The following MACROD1 variants were observed in gnomAD, a reference collection of about 807,000 sequenced individuals.
MACROD1 encodes ADP-ribose glycohydrolase MACROD1.
Under a neutral mutation model 41.4 loss-of-function variants are expected in MACROD1, and 31 were observed. That is an observed-to-expected ratio of 0.75 (90% CI 0.56 to 1.01). MACROD1 has a LOEUF of 1.01. MACROD1 is among the 50% of genes least tolerant of loss of function. MACROD1 has a pLI of 0.00. For missense variants in MACROD1, 473 were observed against 460.0 expected (o/e 1.03, Z -0.26); for synonymous variants, 252 against 203.4 (o/e 1.24, Z -2.03).
chr11:64,063,026 G>T (rs1230759491), intron 3 of MACROD1, among the ~76,000 whole-genome samples: 3 of 152,242 alleles, frequency 2.0e-5, no homozygotes, highest in East Asian at 1.9e-4. Flanking sequence ...GAGGGATTCA[G>T]TGAGATATAA....
rs992654249 is a variant in MACROD1, at chr11:64,096,075, G to A, written c.517+55164C>T. ...TTGAGAGCTCCAGCGTGGGGACAGC[G>A]TGGGGCCCACTTCACAGCCAGGCTG... On this transcript the variant is annotated intron_variant, in intron 3 of 10. Coordinates refer to ENST00000255681, the MANE Select transcript of MACROD1 (RefSeq NM_014067.4). The surrounding 1 kb of genome is among the most constrained non-coding windows in gnomAD (Gnocchi z 4.6). 2.6e-5 allele frequency among the ~76,000 whole-genome samples: 4 copies of A among 152,372 alleles called. No individual in the cohort carries two copies. Among genetic ancestry groups the A allele is most frequent in the Admixed American group, 6.5e-5 (1 of 15,312 alleles).
At chr11:64,130,624 C>T (rs1467769740) in intron 3 of MACROD1, among the ~76,000 whole-genome samples, 2 of 152,168 alleles carry the variant, frequency 1.3e-5, no homozygotes, top group Admixed American at 6.5e-5. Flanking sequence ...ATTCTGCCTC[C>T]GTGGGTCTGA....
At chr11:63,999,997 G>T in intron 5 of MACROD1, 1 of 643,170 alleles carries the variant, frequency 1.6e-6, no homozygotes, top group Non-Finnish European at 2.7e-6. Flanking sequence ...CCGAGCGCGA[G>T]TGTGGGCGCG....
chr11:64,134,789 T>C (rs1300273764), intron 3 of MACROD1, among the ~76,000 whole-genome samples: 1 of 152,234 alleles, frequency 6.6e-6, no homozygotes, highest in African/African-American at 2.4e-5. Context: ...TGGCCATTTG[T>C]TTTTCTCCTA....
chr11:64,036,612 C>T lies in MACROD1; in HGVS notation c.518-21331G>A, dbSNP rs1291673168. Among the ~76,000 whole-genome samples the T allele has an allele frequency of 6.6e-6, 1 of 152,200 alleles. No individual in the cohort carries two copies. Among genetic ancestry groups the T allele is most frequent in the Non-Finnish European group, 1.5e-5 (1 of 68,022 alleles). ...AGCCGGCCGGCCTGGGCGCCGCGCT[C>T]CCGTCCCCACCAGCCGCGTGAGTCA... On this transcript the variant is annotated intron_variant, in intron 3 of 10. Transcript: ENST00000255681. This position sits in a 1 kb window ranked among gnomAD's most constrained non-coding sequence, Gnocchi z 5.6.
rs141430442 is a variant in MACROD1, at chr11:63,999,226, G to A, written c.891+105C>T. On this transcript the variant is annotated intron_variant, in intron 8 of 10. Coordinates refer to ENST00000255681, the MANE Select transcript of MACROD1 (RefSeq NM_014067.4). ...CGCAGGAGAAACAGGGAAGGAAGGGGCGGGCCTGGCCCTGCGCTCTGCACC... is the reference window on the plus strand; with the variant it reads ...CGCAGGAGAAACAGGGAAGGAAGGGACGGGCCTGGCCCTGCGCTCTGCACC... The A allele has an allele frequency of 9.8e-6, 14 of 1,432,416 alleles. No homozygotes were observed. In the Middle Eastern group the frequency reaches 7.3e-4, roughly 75 times the overall value. 88.7% of individuals were successfully genotyped at this position (1,432,416 alleles called of 1,614,324 possible). A position where few individuals can be genotyped will look rare whatever the true frequency, so the allele number is the denominator to read the frequency against.
intron 3 of MACROD1, among the ~76,000 whole-genome samples, chr11:64,039,569 G>A (rs922283739): frequency 2.0e-5 from 3 of 152,160 alleles, no homozygotes; most frequent in Non-Finnish European, 4.4e-5. Context: ...CTGGATGGCC[G>A]GGAGGAGACG....
chr11:64,126,241 C>T (rs1176414443), intron 3 of MACROD1, among the ~76,000 whole-genome samples: 1 of 152,194 alleles, frequency 6.6e-6, no homozygotes, highest in African/African-American at 2.4e-5. Context: ...GTTCCGAGGA[C>T]CCTGCCTGGT....
At chr11:64,049,560 C>T (rs1276366625) in intron 3 of MACROD1, among the ~76,000 whole-genome samples, 1 of 152,238 alleles carries the variant, frequency 6.6e-6, no homozygotes, top group African/African-American at 2.4e-5. Context: ...TCTCCGAGCT[C>T]AGCTGGTTCT....
intron 3 of MACROD1, among the ~76,000 whole-genome samples, chr11:64,139,846 C>T (rs956121756): frequency 6.6e-6 from 1 of 152,014 alleles, no homozygotes; most frequent in Non-Finnish European, 1.5e-5. Context: ...ATCCCAGCTA[C>T]TCGGGAGGCT....
chr11:64,118,465 G>A (rs1945037768), intron 3 of MACROD1: 1 of 645,356 alleles, frequency 1.5e-6, no homozygotes, highest in Non-Finnish European at 2.4e-6. Context: ...ACACAACAGT[G>A]ACAATTTTTT....
rs749791643 is a variant in MACROD1 at position 64,116,777 on chromosome 11, G to C, written c.517+34462C>G. ...CCGTGTCCACCGTCAGCATTGAGGA[G>C]GACGCCTTCGCCGACAGCAAACAGC... On this transcript the variant is annotated intron_variant, in intron 3 of 10. Transcript: ENST00000255681. The C allele has an allele frequency of 1.2e-6, 2 of 1,613,502 alleles. 1 individual carries two copies. The highest frequency in any genetic ancestry group is 4.5e-5 in the East Asian group (2 of 44,896).
Position 64,117,573 on chromosome 11 carries a change from G to A in MACROD1, c.517+33666C>T, listed in dbSNP as rs767473569. The A allele has an allele frequency of 4.7e-5, 75 of 1,609,918 alleles. 1 individual carries two copies. The highest frequency in any genetic ancestry group is 4.1e-5 in the Non-Finnish European group (48 of 1,177,742). On this transcript the variant is annotated intron_variant, in intron 3 of 10. Coordinates refer to ENST00000255681, the MANE Select transcript of MACROD1 (RefSeq NM_014067.4). ...CTACCCCATGGCCACGGGTGATGGC[G>A]CCAAGACCCTGGCCATCCACGTGAA...
chr11:64,032,776 C>CCACT (rs1406386282), intron 3 of MACROD1, among the ~76,000 whole-genome samples: 1 of 152,130 alleles, frequency 6.6e-6, no homozygotes, highest in Non-Finnish European at 1.5e-5. Context: ...GTTGACTGAA[C>CCACT]AGTGATCTTT....
At chr11:64,126,180 A>G (rs540969800) in intron 3 of MACROD1, among the ~76,000 whole-genome samples, 2 of 151,772 alleles carry the variant, frequency 1.3e-5, no homozygotes, top group South Asian at 4.2e-4. Context: ...GCACCTCCAC[A>G]CCCCACACCG....
At chr11:64,002,608 C>G (rs1289983238) in intron 4 of MACROD1, among the ~76,000 whole-genome samples, 1 of 152,146 alleles carries the variant, frequency 6.6e-6, no homozygotes, top group Non-Finnish European at 1.5e-5. Context: ...GCCTGCGTGT[C>G]CCTCCCTGTC....
At chr11:64,114,648 T>C (rs568897901) in intron 3 of MACROD1, among the ~76,000 whole-genome samples, 8 of 150,896 alleles carry the variant, frequency 5.3e-5, no homozygotes, top group African/African-American at 1.5e-4. Context: ...AATGGATGGA[T>C]GGATGAATGG....
chr11:64,058,153 A>G (rs1184505338), intron 3 of MACROD1, among the ~76,000 whole-genome samples: 1 of 152,250 alleles, frequency 6.6e-6, no homozygotes, highest in Non-Finnish European at 1.5e-5. Context: ...TGTTTCTGGG[A>G]TAGACGGTGG....
intron 3 of MACROD1, among the ~76,000 whole-genome samples, chr11:64,046,989 A>G (rs1943596196): frequency 6.6e-6 from 1 of 152,146 alleles, no homozygotes; most frequent in African/African-American, 2.4e-5. Flanking sequence ...TCAGCCTGGC[A>G]TTTCAGACCT....
Sources: gnomAD v4.1 joint callset for allele counts (sites outside exome capture counted in the v4.1 genomes callset) on GRCh38, gnomAD v4.1.1 for gene constraint, Gnocchi (gnomAD v3.1) non-coding constraint, MANE v1.5 for transcripts, NCBI Gene and HGNC (gene_info 2026-07-23, HGNC 2026-07-21) for gene names.